ASTN2: variants seen among roughly 807,000 people sequenced by gnomAD.
The protein encoded by ASTN2 is astrotactin 2, also known as astrotactin-2.
ASTN2 carries 54 observed loss-of-function variants against 139.8 expected under a neutral mutation model. That is an observed-to-expected ratio of 0.39 (90% CI 0.31 to 0.48). The LOEUF (loss-of-function observed/expected upper bound fraction) is 0.48, where lower values mean the gene tolerates loss of function less well. Ranked by LOEUF, ASTN2 falls within the 20% of genes least tolerant of loss-of-function variation. The pLI, the probability that ASTN2 is intolerant of heterozygous loss-of-function variation, is 0.95. For missense variants in ASTN2, 1,565 were observed against 1,725.1 expected, an observed-to-expected ratio of 0.91 and a Z score of 1.64; for synonymous variants, 756 against 719.5, an observed-to-expected ratio of 1.05 and a Z score of -0.81.
intron 7 of ASTN2, 113 bp from the exon 8 acceptor site, chr9:116,976,898 G>T: frequency 1.2e-6 from 1 of 867,368 alleles, no homozygotes; most frequent in South Asian, 1.6e-5. Flanking sequence ...TTTAGAAAAG[G>T]CACATGGAAA....
chr9:116,518,598 A>T (rs1229013921), intron 19 of ASTN2, among the ~76,000 whole-genome samples: 2 of 152,144 alleles, frequency 1.3e-5, no homozygotes, highest in Non-Finnish European at 2.9e-5. Flanking sequence ...CAATAACACA[A>T]TTAAAAAAAG....
intron 1 of ASTN2, among the ~76,000 whole-genome samples, chr9:117,407,368 G>A (rs894562633): frequency 2.0e-5 from 3 of 152,188 alleles, no homozygotes; most frequent in East Asian, 1.9e-4. Flanking sequence ...CTGCAAGTAC[G>A]GAGGATGGAT....
chr9:117,242,405 TA>T (rs1053680162), intron 2 of ASTN2, among the ~76,000 whole-genome samples: 2 of 152,112 alleles, frequency 1.3e-5, no homozygotes, highest in African/African-American at 4.8e-5. Context: ...TTGATGTACT[TA>T]ATAGAGGAAA....
chr9:116,915,759 G>T (rs768368426), intron 10 of ASTN2, among the ~76,000 whole-genome samples: 1 of 152,150 alleles, frequency 6.6e-6, no homozygotes, highest in African/African-American at 2.4e-5. Flanking sequence ...TGGACCTCAC[G>T]CTATGTACTT....
chr9:116,521,757 G>A (rs1191265838), intron 19 of ASTN2, among the ~76,000 whole-genome samples: 2 of 151,972 alleles, frequency 1.3e-5, no homozygotes, highest in Non-Finnish European at 2.9e-5. Context: ...CCATACAACT[G>A]ACAAAGGACT....
chr9:117,040,284 A>G (rs1564397066), intron 5 of ASTN2, among the ~76,000 whole-genome samples: 1 of 152,152 alleles, frequency 6.6e-6, no homozygotes, highest in Non-Finnish European at 1.5e-5. Context: ...CAATTAGATG[A>G]TATTAAGCCC....
intron 19 of ASTN2, among the ~76,000 whole-genome samples, chr9:116,569,162 G>C (rs1853383271): frequency 1.3e-5 from 2 of 152,136 alleles, no homozygotes; most frequent in African/African-American, 2.4e-5. Flanking sequence ...ACGAACCAAA[G>C]TCATTGGGAA....
chr9:117,156,944 G>A (rs1197888966), intron 3 of ASTN2, among the ~76,000 whole-genome samples: 2 of 151,948 alleles, frequency 1.3e-5, no homozygotes, highest in African/African-American at 4.8e-5. Context: ...GGTTAGGAAG[G>A]TGCCACTCCC....
rs1491588476 is a variant in ASTN2, at chr9:116,632,126, A to AG, written c.3073-11684dup. ...AGACTGTGTCAAAAGAAAAAGAAAAAGAAGAGAGAGAGAGAGAGAGAGAGA... is the reference window on the plus strand; with the variant it reads ...AGACTGTGTCAAAAGAAAAAGAAAAAGGAAGAGAGAGAGAGAGAGAGAGAGA... On this transcript the variant is annotated intron_variant, in intron 17 of 22. Coordinates refer to ENST00000313400, the MANE Select transcript of ASTN2 (RefSeq NM_001365068.1). 1.1e-4 allele frequency among the ~76,000 whole-genome samples: 8 copies of AG among 75,832 alleles called. No individual in the cohort carries two copies. In the East Asian group the frequency reaches 3.3e-3, roughly 31 times the overall value. 49.7% of individuals were successfully genotyped at this position (75,832 alleles called of 152,430 possible).
At chr9:117,207,975 A>C (rs1831992900) in intron 3 of ASTN2, among the ~76,000 whole-genome samples, 1 of 152,196 alleles carries the variant, frequency 6.6e-6, no homozygotes, top group African/African-American at 2.4e-5. Context: ...CAACACACCA[A>C]ACTAACACCT....
At chr9:116,775,966 G>A (rs886364538) in intron 13 of ASTN2, among the ~76,000 whole-genome samples, 1 of 152,144 alleles carries the variant, frequency 6.6e-6, no homozygotes, top group African/African-American at 2.4e-5. Flanking sequence ...ATGGCATAAA[G>A]GAAAAGGCAG....
intron 19 of ASTN2, among the ~76,000 whole-genome samples, chr9:116,608,280 T>C (rs577701561): frequency 1.4e-4 from 21 of 152,284 alleles, no homozygotes; most frequent in East Asian, 1.9e-4. Context: ...AGAGTACTGA[T>C]TGATGTATGT....
chr9:116,592,599 T>C (rs1854420836), intron 19 of ASTN2, among the ~76,000 whole-genome samples: 2 of 152,316 alleles, frequency 1.3e-5, no homozygotes, highest in South Asian at 2.1e-4. Flanking sequence ...TTTTAAAACT[T>C]TGTGGAAAAT....
chr9:116,452,287 A>C (rs1848198711), intron 20 of ASTN2, among the ~76,000 whole-genome samples: 1 of 152,200 alleles, frequency 6.6e-6, no homozygotes, highest in South Asian at 2.1e-4. Context: ...TTTTAAAGTG[A>C]CTTCAGTTAT....
At chr9:116,777,767 A>G (rs1830119874) in intron 13 of ASTN2, among the ~76,000 whole-genome samples, 2 of 152,280 alleles carry the variant, frequency 1.3e-5, no homozygotes, top group Non-Finnish European at 2.9e-5. Context: ...CTCACCTGAA[A>G]ATCTTTTTAA....
At chr9:117,170,713 C>A (rs975322960) in intron 3 of ASTN2, among the ~76,000 whole-genome samples, 1 of 152,102 alleles carries the variant, frequency 6.6e-6, no homozygotes, top group Admixed American at 6.5e-5. Flanking sequence ...AGTGTTCCAA[C>A]AGAGAAGACA....
At chr9:116,779,047 A>G (rs930481586) in intron 13 of ASTN2, among the ~76,000 whole-genome samples, 1 of 152,196 alleles carries the variant, frequency 6.6e-6, no homozygotes, top group Non-Finnish European at 1.5e-5. Context: ...GATGTTTAAG[A>G]AACCTGTAAC....
rs138261750 is a variant in ASTN2 at position 116,465,586 on chromosome 9, C to T, written c.3497+21773G>A. Among the ~76,000 whole-genome samples, 819 of 152,200 alleles carry T rather than the reference C, an allele frequency of 5.4e-3. 8 individuals carry two copies. The highest frequency in any genetic ancestry group is 0.018 in the African/African-American group (766 of 41,524). On this transcript the variant is annotated intron_variant, in intron 20 of 22. Coordinates refer to ENST00000313400, the MANE Select transcript of ASTN2 (RefSeq NM_001365068.1). ...TTTTGTGACTTGGTTTTGAACATAT[C>T]GTTATACAGAAATTAAATTACTATT...
At chr9:116,697,728 T>C in intron 16 of ASTN2, 2 of 1,613,672 alleles carry the variant, frequency 1.2e-6, no homozygotes, top group Non-Finnish European at 1.7e-6. Flanking sequence ...AGCAATACCC[T>C]TCAAAGGAAG....
Sources: allele counts gnomAD v4.1 joint callset (sites outside exome capture counted in the v4.1 genomes callset), GRCh38; gene constraint gnomAD v4.1.1; transcripts MANE v1.5; gene names NCBI Gene and HGNC (gene_info 2026-07-23, HGNC 2026-07-21).